The following TAB2 variants were observed in gnomAD, a reference collection of about 807,000 sequenced individuals.
The protein encoded by TAB2 is TGF-beta-activated kinase 1 and MAP3K7-binding protein 2.
Under a neutral mutation model 65.0 loss-of-function variants are expected in TAB2, and 3 were observed. The observed-to-expected ratio is 0.05, with a 90% CI of 0.02 to 0.12. The LOEUF is 0.12. Ranked by LOEUF, TAB2 falls within the 10% of genes least tolerant of loss-of-function variation. The pLI is 1.00. For missense variants in TAB2, 623 were observed against 840.3 expected (o/e 0.74, Z 3.20); for synonymous variants, 298 against 285.1 (o/e 1.05, Z -0.46).
chr6:149,357,451 A>ACACACACC (rs1780701772), intron 1 of TAB2, among the ~76,000 whole-genome samples: 1 of 149,256 alleles, frequency 6.7e-6, no homozygotes, highest in African/African-American at 2.5e-5. Context: ...ACACACACAC[A>ACACACACC]CACACACACA....
chr6:149,365,387 G>A (rs1197939142), intron 1 of TAB2, among the ~76,000 whole-genome samples: 2 of 152,130 alleles, frequency 1.3e-5, no homozygotes, highest in Non-Finnish European at 2.9e-5. Context: ...CACTCTTAAA[G>A]TTTACTTTTG....
intron 1 of TAB2, among the ~76,000 whole-genome samples, chr6:149,353,419 C>T (rs142309768): frequency 3.3e-5 from 5 of 152,292 alleles, no homozygotes; most frequent in African/African-American, 9.6e-5. Context: ...CCCAGATTCC[C>T]TCTTCTTCCT....
intron 6 of TAB2, among the ~76,000 whole-genome samples, chr6:149,403,655 C>G (rs552066764): frequency 6.6e-6 from 1 of 152,028 alleles, no homozygotes; most frequent in South Asian, 2.1e-4. Context: ...CACATGCTTT[C>G]TGTATAGGAA....
intron 1 of TAB2, among the ~76,000 whole-genome samples, chr6:149,302,866 A>G (rs1257342419): frequency 6.6e-6 from 1 of 152,240 alleles, no homozygotes; most frequent in Non-Finnish European, 1.5e-5. Context: ...ACTGGGCCAC[A>G]CAGCAGGAAG....
intron 1 of TAB2, among the ~76,000 whole-genome samples, chr6:149,349,995 A>G (rs1198974802): frequency 6.6e-6 from 1 of 152,088 alleles, no homozygotes; most frequent in Non-Finnish European, 1.5e-5. Context: ...GCAGTGGCGC[A>G]ATCTCAGCTC....
chr6:149,369,146 T>C (rs988348999), intron 1 of TAB2, among the ~76,000 whole-genome samples: 4 of 152,176 alleles, frequency 2.6e-5, no homozygotes, highest in South Asian at 4.1e-4. Flanking sequence ...TTTAGGTTAA[T>C]GTACTTATCT....
intron 2 of TAB2, among the ~76,000 whole-genome samples, chr6:149,371,790 T>C (rs561893634): frequency 6.6e-6 from 1 of 151,856 alleles, no homozygotes; most frequent in East Asian, 1.9e-4. Context: ...ATTTGGTAAA[T>C]GAATCAGTGG....
At chr6:149,282,997 A>G (rs1778601672) in intron 1 of TAB2, among the ~76,000 whole-genome samples, 1 of 152,146 alleles carries the variant, frequency 6.6e-6, no homozygotes. Flanking sequence ...TAAACCTTTC[A>G]CGAAGATTTT....
chr6:149,390,137 G>A (rs1781934799), intron 3 of TAB2, among the ~76,000 whole-genome samples: 1 of 152,152 alleles, frequency 6.6e-6, no homozygotes, highest in Non-Finnish European at 1.5e-5. Flanking sequence ...GTAATACAGT[G>A]ATATATAAAA....
At chr6:149,370,266 T>C (rs1781178175) in intron 2 of TAB2, among the ~76,000 whole-genome samples, 167 bp downstream of exon 2, 2 of 152,230 alleles carry the variant, frequency 1.3e-5, no homozygotes, top group South Asian at 4.1e-4. Context: ...AGATGGAGCT[T>C]TCTGTACCCA....
upstream of TAB2, chr6:149,317,409 G>A: frequency 1.3e-5 from 1 of 77,182 alleles, no homozygotes; most frequent in South Asian, 2.2e-4. The surrounding 1 kb of genome is among the most constrained non-coding windows in gnomAD (Gnocchi z 4.7). Context: ...TCCCCGGGCC[G>A]CAGCCGCAGC....
intron 1 of TAB2, among the ~76,000 whole-genome samples, chr6:149,337,293 C>T (rs991297522): frequency 9.9e-6 from 1 of 100,698 alleles, no homozygotes; most frequent in African/African-American, 3.7e-5. Context: ...TCAAAAACAA[C>T]TATATTTTAG....
In TAB2 at chr6:149,296,849, G is replaced by A. The variant is rs1194925387; in HGVS notation, c.-121+78073G>A. On this transcript the variant is annotated intron_variant, in intron 1 of 1. Transcript: ENST00000606202. ...ATTAAGTAATTGGTAGCCTGGCATT[G>A]AACACAGATATTTCTAGCACCAAAT... is the stretch of plus-strand genomic sequence containing the variant. 2.0e-5 allele frequency among the ~76,000 whole-genome samples: 3 copies of A among 152,166 alleles called. No homozygotes were observed. The East Asian group carries it at 5.8e-4, about 29-fold the overall frequency.
At chr6:149,310,703 C>T (rs1184332145) in intron 1 of TAB2, among the ~76,000 whole-genome samples, 1 of 152,088 alleles carries the variant, frequency 6.6e-6, no homozygotes, top group East Asian at 1.9e-4. Flanking sequence ...TCAAGAAGGC[C>T]CCCAGGAGAA....
At chr6:149,357,452 C>A (rs1780701689) in intron 1 of TAB2, among the ~76,000 whole-genome samples, 1 of 148,612 alleles carries the variant, frequency 6.7e-6, no homozygotes, top group Admixed American at 6.7e-5. Flanking sequence ...CACACACACA[C>A]ACACACACAC....
At chr6:149,241,867 T>C (rs907331109) in intron 1 of TAB2, among the ~76,000 whole-genome samples, 2 of 152,188 alleles carry the variant, frequency 1.3e-5, no homozygotes, top group African/African-American at 4.8e-5. Flanking sequence ...AGAAGTGAAC[T>C]GGACCTGAAG....
chr6:149,288,528 T>C (rs1233599363), intron 1 of TAB2, among the ~76,000 whole-genome samples: 1 of 152,214 alleles, frequency 6.6e-6, no homozygotes, highest in East Asian at 1.9e-4. Flanking sequence ...AAAGGGTCTT[T>C]TCCTCTTTGT....
At chr6:149,352,432 C>G (rs1252612389) in intron 1 of TAB2, among the ~76,000 whole-genome samples, 1 of 152,178 alleles carries the variant, frequency 6.6e-6, no homozygotes, top group Non-Finnish European at 1.5e-5. Context: ...AAGTTACATA[C>G]AAGTTTCTAA....
At chr6:149,400,250 G>A (rs1782327313) in intron 6 of TAB2, 1 of 884,470 alleles carries the variant, frequency 1.1e-6, no homozygotes, top group Non-Finnish European at 1.7e-6. Context: ...CGGGAGGGGA[G>A]GGAGCCCAGG....
Sources: allele counts gnomAD v4.1 joint callset (sites outside exome capture counted in the v4.1 genomes callset), GRCh38; gene constraint gnomAD v4.1.1; non-coding constraint Gnocchi (gnomAD v3.1); transcripts MANE v1.5; gene names NCBI Gene and HGNC (gene_info 2026-07-23, HGNC 2026-07-21).